The following ADGB variants were observed in gnomAD, a reference collection of about 807,000 sequenced individuals.
ADGB encodes the protein calpain-7-like protein.
Under a neutral mutation model 210.5 loss-of-function variants are expected in ADGB, and 172 were observed. The ratio of observed to expected loss-of-function variants is 0.82; its 90% CI spans 0.72 to 0.93. The LOEUF is 0.93. Ranked by LOEUF, ADGB falls within the 40% of genes least tolerant of loss-of-function variation. The pLI, the probability that ADGB is intolerant of heterozygous loss-of-function variation, is 0.00. For missense variants in ADGB, 2,025 were observed against 1,964.8 expected (o/e 1.03, Z -0.58); for synonymous variants, 658 against 662.7 (o/e 0.99, Z 0.11).
At chr6:146,655,461 T>A (rs893872810) in intron 4 of ADGB, among the ~76,000 whole-genome samples, 2 of 152,124 alleles carry the variant, frequency 1.3e-5, no homozygotes, top group Non-Finnish European at 2.9e-5. Flanking sequence ...GATTTATCCA[T>A]CACAAGCAGG....
chr6:146,737,146 G>GA (rs955256373), intron 23 of ADGB, among the ~76,000 whole-genome samples: 53 of 140,716 alleles, frequency 3.8e-4, no homozygotes, highest in East Asian at 1.0e-3. Context: ...AGAGGTGGCA[G>GA]AAAAAAAAAA....
chr6:146,808,198 C>T (rs1260234733), intron 35 of ADGB, among the ~76,000 whole-genome samples: 3 of 152,078 alleles, frequency 2.0e-5, no homozygotes, highest in African/African-American at 7.2e-5. Flanking sequence ...CGGGGTTTCA[C>T]CATGTTGGCC....
intron 11 of ADGB, among the ~76,000 whole-genome samples, chr6:146,692,473 C>T (rs1288192084): frequency 6.6e-6 from 1 of 151,882 alleles, no homozygotes; most frequent in Non-Finnish European, 1.5e-5. Context: ...CAGAGGTTAA[C>T]TAAGGGAACT....
intron 1 of ADGB, among the ~76,000 whole-genome samples, chr6:146,610,502 T>C (rs934041870): frequency 6.6e-6 from 1 of 152,190 alleles, no homozygotes; most frequent in Non-Finnish European, 1.5e-5. Flanking sequence ...TTGTTGTCAT[T>C]GGGATGGGGC....
chr6:146,668,139 A>G (rs1775962149), intron 7 of ADGB, among the ~76,000 whole-genome samples: 1 of 152,146 alleles, frequency 6.6e-6, no homozygotes, highest in Non-Finnish European at 1.5e-5. Context: ...TCATTTTACC[A>G]TTGACATTTG....
At chr6:146,600,405 C>T (rs1378213973) in intron 1 of ADGB, 1 of 221,136 alleles carries the variant, frequency 4.5e-6, no homozygotes, top group Admixed American at 4.7e-5. Context: ...CTAGCCTTCT[C>T]TCCACTCCCT....
intron 7 of ADGB, among the ~76,000 whole-genome samples, chr6:146,670,533 G>C (rs1025948951): frequency 6.6e-6 from 1 of 152,148 alleles, no homozygotes; most frequent in African/African-American, 2.4e-5. Flanking sequence ...GTTTCACCAA[G>C]CTTAACCATC....
In ADGB at chr6:146,784,137, A is replaced by ATAATT. The variant is rs768936778; in HGVS notation, c.4036-481_4036-480insTAATT. Among the ~76,000 whole-genome samples, 990 of 152,270 alleles carry ATAATT rather than the reference A, an allele frequency of 6.5e-3. 5 individuals carry two copies. Among genetic ancestry groups the ATAATT allele is most frequent in the Non-Finnish European group, 0.011 (728 of 68,010 alleles). On this transcript the variant is annotated intron_variant, in intron 30 of 35. Transcript: ENST00000397944. ...AGATATAAATTATAGATAATTCCCG[A>ATAATT]GTTTATGGAAATAATCTCAAACTTC...
chr6:146,748,232 A>C (rs1340010015), intron 26 of ADGB, among the ~76,000 whole-genome samples: 3 of 152,160 alleles, frequency 2.0e-5, no homozygotes, highest in African/African-American at 7.2e-5. Flanking sequence ...AACCAGAGGG[A>C]GGGAAACCAG....
intron 27 of ADGB, 134 bp from the exon 28 acceptor site, chr6:146,763,765 ACT>A (rs1373658618): frequency 2.1e-5 from 16 of 762,836 alleles, no homozygotes; most frequent in Admixed American, 5.9e-5. Context: ...AACCAAAAAC[ACT>A]GTTTTTTATC....
intron 8 of ADGB, among the ~76,000 whole-genome samples, chr6:146,675,151 T>C (rs1322655883): frequency 2.0e-5 from 3 of 152,148 alleles, no homozygotes; most frequent in Non-Finnish European, 4.4e-5. Context: ...GTGTTAAATC[T>C]GCTGAAAAAG....
At chr6:146,670,744 T>C (rs377185517) in intron 7 of ADGB, among the ~76,000 whole-genome samples, 1 of 152,172 alleles carries the variant, frequency 6.6e-6, no homozygotes, top group South Asian at 2.1e-4. Context: ...ATGTAGTGCC[T>C]TCTGTGTTTA....
chr6:146,639,758 G>A (rs1034993657), intron 2 of ADGB: 5 of 151,874 alleles, frequency 3.3e-5, no homozygotes, highest in African/African-American at 1.2e-4. Flanking sequence ...GATTAGCATG[G>A]CCCCTGCACA....
chr6:146,785,364 C>A (rs1777858663), intron 31 of ADGB, among the ~76,000 whole-genome samples: 1 of 152,042 alleles, frequency 6.6e-6, no homozygotes, highest in Admixed American at 6.6e-5. Context: ...AGATAGTATG[C>A]CCAGAAATGT....
chr6:146,750,083 T>A (rs1777298570), intron 26 of ADGB, among the ~76,000 whole-genome samples: 1 of 152,150 alleles, frequency 6.6e-6, no homozygotes, highest in Non-Finnish European at 1.5e-5. Flanking sequence ...GTTGTCTGCT[T>A]CCACTCTTCT....
chr6:146,790,681 T>C (rs1777942110), intron 33 of ADGB, among the ~76,000 whole-genome samples: 1 of 152,234 alleles, frequency 6.6e-6, no homozygotes, highest in Admixed American at 6.5e-5. Context: ...TACGTACTTA[T>C]TTTAATTCCT....
intron 3 of ADGB, among the ~76,000 whole-genome samples, chr6:146,650,675 G>T (rs2114878440): frequency 6.7e-6 from 1 of 149,078 alleles, no homozygotes; most frequent in African/African-American, 2.5e-5. Context: ...CCCCTAGTGA[G>T]GAGAGGAGAA....
At chr6:146,807,672 G>A in intron 35 of ADGB, 4 of 1,047,618 alleles carry the variant, frequency 3.8e-6, no homozygotes, top group Non-Finnish European at 5.4e-6. Context: ...TAAGATATTG[G>A]GCCAACTGAA....
rs893865960 is a variant in ADGB at position 146,674,356 on chromosome 6, G to GT, written c.1087+1900dup. On this transcript the variant is annotated intron_variant, in intron 8 of 35. Coordinates refer to ENST00000397944, the MANE Select transcript of ADGB (RefSeq NM_024694.4). ...TTGTGAATCTAGTGAAGGAAAATTG[G>GT]TTTTTTTTTTTAAGTGATGACTGGG... 1.6e-3 allele frequency among the ~76,000 whole-genome samples: 230 copies of GT among 147,876 alleles called. 1 individual carries two copies. The highest frequency in any genetic ancestry group is 4.2e-3 in the African/African-American group (169 of 40,682).
Sources: gnomAD v4.1 joint callset for allele counts (sites outside exome capture counted in the v4.1 genomes callset) on GRCh38, gnomAD v4.1.1 for gene constraint, MANE v1.5 for transcripts, NCBI Gene and HGNC (gene_info 2026-07-23, HGNC 2026-07-21) for gene names.